Variants in ERAP1 observed in about 807,000 individuals in gnomAD.
ERAP1 encodes adipocyte-derived leucine aminopeptidase.
Under a neutral mutation model 103.7 loss-of-function variants are expected in ERAP1, and 86 were observed. The observed-to-expected ratio is 0.83, with a 90% CI of 0.70 to 0.99. The LOEUF (loss-of-function observed/expected upper bound fraction) is 0.99, where lower values mean the gene tolerates loss of function less well. Among genes scored for constraint, ERAP1 ranks in the 50% least tolerant of loss-of-function variants. ERAP1 has a pLI of 0.00. For synonymous variants in ERAP1, 398 were observed against 402.4 expected, an observed-to-expected ratio of 0.99 and a Z score of 0.13; for missense variants, 1,009 against 1,128.4, an observed-to-expected ratio of 0.89 and a Z score of 1.52.
chr5:96,902,282 G>A, the ERAP1 span: 1 of 1,604,292 alleles, frequency 6.2e-7, no homozygotes. Flanking sequence ...AGGTACCTGT[G>A]GCATATCCCA....
chr5:96,800,266 G>A (rs1459119505), intron 3 of ERAP1, among the ~76,000 whole-genome samples: 2 of 152,158 alleles, frequency 1.3e-5, no homozygotes, highest in Non-Finnish European at 2.9e-5. Context: ...AAAAATCAGA[G>A]GGAATGCTGT....
At chr5:96,871,775 T>G in the ERAP1 span, among the ~76,000 whole-genome samples, 13 of 152,348 alleles carry the variant, frequency 8.5e-5, no homozygotes, top group East Asian at 2.1e-3. Flanking sequence ...ATTTTTCTGT[T>G]TTTGTTTTCA....
the ERAP1 span, among the ~76,000 whole-genome samples, chr5:96,834,088 CG>C: frequency 6.6e-6 from 1 of 152,194 alleles, no homozygotes; most frequent in African/African-American, 2.4e-5. Context: ...AATGAGAAAG[CG>C]GTAGCCTTAA....
At chr5:96,768,096 T>C in intron 19 of ERAP1, 1 of 839,212 alleles carries the variant, frequency 1.2e-6, no homozygotes, top group South Asian at 1.4e-5. Context: ...TCTATCGGTC[T>C]GTCTTGTAAC....
intron 10 of ERAP1, among the ~76,000 whole-genome samples, chr5:96,789,212 C>A (rs533022547): frequency 3.3e-5 from 5 of 152,262 alleles, no homozygotes; most frequent in East Asian, 1.9e-4. Context: ...AAAGGCTGGG[C>A]GCGGTGGCTC....
At chr5:96,770,764 T>C (rs1238238200), downstream of ERAP1, among the ~76,000 whole-genome samples, 1 of 152,212 alleles carries the variant, frequency 6.6e-6, no homozygotes, top group African/African-American at 2.4e-5. Context: ...TGAATTTGTA[T>C]AAATACATAT....
chr5:96,798,695 T>C (rs1777638492), intron 3 of ERAP1, among the ~76,000 whole-genome samples: 1 of 151,644 alleles, frequency 6.6e-6, no homozygotes. Flanking sequence ...ATTACAACCA[T>C]AAGCCACCTC....
At chr5:96,887,335 C>T in the ERAP1 span, among the ~76,000 whole-genome samples, 1 of 143,518 alleles carries the variant, frequency 7.0e-6, no homozygotes, top group Admixed American at 7.1e-5. Context: ...GAGTCTCACT[C>T]TGTTGGCCAG....
At chr5:96,885,734 A>T in the ERAP1 span, among the ~76,000 whole-genome samples, 1 of 145,030 alleles carries the variant, frequency 6.9e-6, no homozygotes, top group South Asian at 2.1e-4. Flanking sequence ...AGTTGTGACT[A>T]GCTTGAAGAA....
At chr5:96,892,310 ATT>A in the ERAP1 span, 5 of 1,613,784 alleles carry the variant, frequency 3.1e-6, no homozygotes, top group Non-Finnish European at 4.2e-6. Context: ...TTTAATTGCT[ATT>A]CCTGACTTTG....
the ERAP1 span, among the ~76,000 whole-genome samples, chr5:96,834,474 T>G: frequency 6.6e-6 from 1 of 152,236 alleles, no homozygotes; most frequent in East Asian, 1.9e-4. Flanking sequence ...GATCAGATCA[T>G]ATCCAATTTG....
chr5:96,896,730 A>T, the ERAP1 span: 1 of 1,565,924 alleles, frequency 6.4e-7, no homozygotes, highest in Non-Finnish European at 8.6e-7. Context: ...TTTTTTTTAA[A>T]GGGAGCTTGT....
At chr5:96,872,172 C>G in the ERAP1 span, among the ~76,000 whole-genome samples, 1 of 151,888 alleles carries the variant, frequency 6.6e-6, no homozygotes. Flanking sequence ...GAAAAGGAAG[C>G]TACTTTTTAA....
At chr5:96,913,345 G>GTC in the ERAP1 span, 1 of 1,614,010 alleles carries the variant, frequency 6.2e-7, no homozygotes, top group Middle Eastern at 1.6e-4. Flanking sequence ...GGAAGGAAAG[G>GTC]TTATCAAGAC....
chr5:96,889,280 T>A, the ERAP1 span: 2 of 1,614,050 alleles, frequency 1.2e-6, no homozygotes, highest in Admixed American at 3.3e-5. Context: ...AGTACTTTGA[T>A]ATCTACTATC....
At chr5:96,843,725 C>G in the ERAP1 span, among the ~76,000 whole-genome samples, 1 of 152,090 alleles carries the variant, frequency 6.6e-6, no homozygotes, top group Non-Finnish European at 1.5e-5. Context: ...ACATAAACCT[C>G]AGGTAAGGGA....
In ERAP1 at chr5:96,776,614, G is replaced by C. The variant is rs1323723676; in HGVS notation, c.2671-63C>G. The C allele has an allele frequency of 1.9e-6, 3 of 1,583,478 alleles. No individual in the cohort carries two copies. In the Admixed American group the frequency reaches 5.2e-5, roughly 28 times the overall value. On this transcript the variant is annotated intron_variant, in intron 18 of 18. Coordinates refer to ENST00000443439, the MANE Select transcript of ERAP1 (RefSeq NM_001040458.3). The stretch of plus-strand genomic sequence containing the variant: ...ATCACATTAATCAGATGTAACTTTA[G>C]TTAAAACTGAAGCCAAAATTCCAGC...
the ERAP1 span, chr5:96,896,755 C>T: frequency 6.3e-7 from 1 of 1,588,588 alleles, no homozygotes; most frequent in East Asian, 2.3e-5. Context: ...TGAATATGCT[C>T]AAGGATTTTC....
At chr5:96,842,541 G>T in the ERAP1 span, among the ~76,000 whole-genome samples, 3 of 152,176 alleles carry the variant, frequency 2.0e-5, no homozygotes, top group African/African-American at 7.2e-5. Flanking sequence ...GATCATTAGT[G>T]ATGTTGAGCA....
Sources: allele counts gnomAD v4.1 joint callset (sites outside exome capture counted in the v4.1 genomes callset), GRCh38; gene constraint gnomAD v4.1.1; transcripts MANE v1.5; gene names NCBI Gene and HGNC (gene_info 2026-07-23, HGNC 2026-07-21).